The following ARMC9 variants were observed in gnomAD, a reference collection of about 807,000 sequenced individuals.
ARMC9 encodes the protein lisH domain-containing protein ARMC9.
Under a neutral mutation model 107.0 loss-of-function variants are expected in ARMC9, and 94 were observed. The observed-to-expected ratio is 0.88, with a 90% CI of 0.74 to 1.04. The LOEUF (loss-of-function observed/expected upper bound fraction) is 1.04, where lower values mean the gene tolerates loss of function less well. ARMC9 is among the 50% of genes least tolerant of loss of function. ARMC9 has a pLI of 0.00. For missense variants in ARMC9, 942 were observed against 1,030.1 expected, an observed-to-expected ratio of 0.91 and a Z score of 1.17; for synonymous variants, 380 against 396.9, an observed-to-expected ratio of 0.96 and a Z score of 0.51.
At position 231,288,065 on chromosome 2, in the gene ARMC9, G is replaced by A. The variant is rs2040728133; in HGVS notation, c.1627-3288G>A. On this transcript the variant is annotated intron_variant, in intron 17 of 24. Coordinates refer to ENST00000611582, the MANE Select transcript of ARMC9 (RefSeq NM_001352754.2). ...GTGATCGTTTTTCCATCTGTAAGAT[G>A]AGGATTATTGCAGTACCAAACTCAT... Among the ~76,000 whole-genome samples, 4 of 152,172 alleles carry A rather than the reference G, an allele frequency of 2.6e-5. No homozygotes were observed. In the South Asian group the frequency reaches 8.3e-4, roughly 32 times the overall value.
At chr2:231,252,275 G>A (rs1328466118) in intron 9 of ARMC9, among the ~76,000 whole-genome samples, 1 of 152,076 alleles carries the variant, frequency 6.6e-6, no homozygotes, top group Non-Finnish European at 1.5e-5. Flanking sequence ...TTGAGACAGA[G>A]CTTTGCTCTT....
intron 19 of ARMC9, among the ~76,000 whole-genome samples, chr2:231,317,008 T>C (rs1172596938): frequency 6.6e-6 from 1 of 152,154 alleles, no homozygotes; most frequent in Admixed American, 6.5e-5. Context: ...CCATTGTTTA[T>C]GATAAGAAGC....
intron 17 of ARMC9, among the ~76,000 whole-genome samples, chr2:231,283,876 G>A (rs924554506): frequency 4.6e-5 from 7 of 152,128 alleles, no homozygotes; most frequent in African/African-American, 1.7e-4. Flanking sequence ...GGGACTATAG[G>A]TGTGCGCCAT....
intron 23 of ARMC9, among the ~76,000 whole-genome samples, chr2:231,364,711 TCA>T (rs1269562565): frequency 1.3e-5 from 2 of 151,574 alleles, no homozygotes; most frequent in Non-Finnish European, 2.9e-5. Context: ...GGCAGGAGAA[TCA>T]TTTGAACCCA....
intron 9 of ARMC9, among the ~76,000 whole-genome samples, chr2:231,244,361 G>T (rs2036566114): frequency 6.6e-6 from 1 of 150,802 alleles, no homozygotes; most frequent in Non-Finnish European, 1.5e-5. Flanking sequence ...GGAGAATGTG[G>T]ATCTTTTTTT....
chr2:231,337,270 G>GTATATA (rs770448501), intron 20 of ARMC9, among the ~76,000 whole-genome samples: 23 of 76,406 alleles, frequency 3.0e-4, no homozygotes, highest in South Asian at 9.1e-4. Context: ...ACGTGTGTGT[G>GTATATA]TATATATATA....
chr2:231,334,327 G>T (rs1213387542), intron 20 of ARMC9, among the ~76,000 whole-genome samples: 2 of 152,208 alleles, frequency 1.3e-5, no homozygotes, highest in East Asian at 1.9e-4. Context: ...CAGCTCCCCC[G>T]AAGGACTCTA....
chr2:231,206,237 A>T lies in ARMC9; in HGVS notation c.-2A>T. ...AGAATTAATTACCAGTAACAGTTCAATATGGGGGACATTCTGGCTCATGAA... is the reference window on the plus strand; with the variant it reads ...AGAATTAATTACCAGTAACAGTTCATTATGGGGGACATTCTGGCTCATGAA... On this transcript the variant is annotated 5_prime_UTR_variant, in exon 2 of 25. Coordinates refer to ENST00000611582, the MANE Select transcript of ARMC9 (RefSeq NM_001352754.2). The T allele has an allele frequency of 6.2e-7, 1 of 1,613,572 alleles. No homozygotes were observed. Among genetic ancestry groups the T allele is most frequent in the Non-Finnish European group, 8.5e-7 (1 of 1,179,526 alleles).
chr2:231,302,956 A>T (rs1161766979), intron 19 of ARMC9, among the ~76,000 whole-genome samples: 1 of 152,204 alleles, frequency 6.6e-6, no homozygotes, highest in African/African-American at 2.4e-5. Context: ...GTGAGCCAAG[A>T]TCACACCACT....
chr2:231,230,409 T>A (rs1452715696), intron 7 of ARMC9, among the ~76,000 whole-genome samples: 1 of 152,074 alleles, frequency 6.6e-6, no homozygotes, highest in Non-Finnish European at 1.5e-5. Flanking sequence ...CTTGGTTTAG[T>A]TGTTCTTGTC....
intron 19 of ARMC9, among the ~76,000 whole-genome samples, chr2:231,309,495 C>T (rs1005123391): frequency 6.6e-6 from 1 of 152,046 alleles, no homozygotes; most frequent in African/African-American, 2.4e-5. Flanking sequence ...TTTCATTTTA[C>T]AATATTTATT....
chr2:231,355,485 G>A (rs572354446), intron 21 of ARMC9, among the ~76,000 whole-genome samples: 12 of 152,320 alleles, frequency 7.9e-5, no homozygotes, highest in South Asian at 2.1e-4. Flanking sequence ...CGTGCCTTAC[G>A]TTGTTTGCTT....
intron 20 of ARMC9, among the ~76,000 whole-genome samples, chr2:231,335,815 G>A (rs1013601760): frequency 2.6e-5 from 4 of 152,162 alleles, no homozygotes; most frequent in Non-Finnish European, 2.9e-5. Context: ...GGTGGCTGAC[G>A]CGTGTGATTC....
At chr2:231,222,669 A>G in intron 5 of ARMC9, 59 bp from the exon 6 acceptor site, 1 of 970,386 alleles carries the variant, frequency 1.0e-6, no homozygotes, top group Non-Finnish European at 1.6e-6. Flanking sequence ...CCTCAACTTG[A>G]TGATGCTATT....
intron 9 of ARMC9, among the ~76,000 whole-genome samples, chr2:231,254,737 C>T (rs1006800606): frequency 2.6e-5 from 4 of 151,866 alleles, no homozygotes; most frequent in African/African-American, 7.3e-5. Flanking sequence ...TTTAACAAGG[C>T]TTCTGTAATT....
At chr2:231,249,218 A>G (rs2037060915) in intron 9 of ARMC9, among the ~76,000 whole-genome samples, 2 of 152,030 alleles carry the variant, frequency 1.3e-5, no homozygotes, top group African/African-American at 4.8e-5. Context: ...GTGCCCGCAA[A>G]TGCCCATCCC....
intron 9 of ARMC9, among the ~76,000 whole-genome samples, chr2:231,248,104 G>A (rs2036940512): frequency 2.6e-5 from 4 of 152,116 alleles, no homozygotes; most frequent in Admixed American, 6.5e-5. Flanking sequence ...CCACACAGGT[G>A]GTCTCCCCTC....
intron 11 of ARMC9, 144 bp from the exon 12 acceptor site, chr2:231,262,162 C>A: frequency 2.6e-6 from 2 of 758,554 alleles, no homozygotes; most frequent in Non-Finnish European, 2.2e-6. Context: ...GTTAACTTGC[C>A]ACCACTCCCC....
intron 11 of ARMC9, among the ~76,000 whole-genome samples, chr2:231,261,942 C>G (rs904861144): frequency 6.8e-6 from 1 of 147,760 alleles, no homozygotes; most frequent in Non-Finnish European, 1.5e-5. Flanking sequence ...CCTGCCTCAG[C>G]CTCCCGAGTA....
Sources: allele counts gnomAD v4.1 joint callset (sites outside exome capture counted in the v4.1 genomes callset), GRCh38; gene constraint gnomAD v4.1.1; transcripts MANE v1.5; gene names NCBI Gene and HGNC (gene_info 2026-07-23, HGNC 2026-07-21).